The following EDDM13 variants were observed in gnomAD, a reference collection of about 807,000 sequenced individuals.
EDDM13 encodes the protein epididymal protein 13.
In EDDM13, 24 loss-of-function variants were observed where a neutral mutation model predicts 17.8. That is an observed-to-expected ratio of 1.35 (90% CI 0.98 to 1.90). The LOEUF is 1.90. Among genes scored for constraint, EDDM13 ranks in the 40% most tolerant of loss-of-function variants. The pLI, the probability that EDDM13 is intolerant of heterozygous loss-of-function variation, is 0.00. For missense variants in EDDM13, 97 were observed against 100.8 expected, an observed-to-expected ratio of 0.96 and a Z score of 0.16; for synonymous variants, 31 against 37.5, an observed-to-expected ratio of 0.83 and a Z score of 0.63.
intron 11 of EDDM13, among the ~76,000 whole-genome samples, chr19:56,296,744 A>T (rs1203187034): frequency 1.3e-5 from 2 of 151,956 alleles, no homozygotes; most frequent in African/African-American, 4.8e-5. Context: ...GGGAAACTTA[A>T]GTTTTTTGGC....
chr19:56,294,820 C>T (rs1379490896), intron 9 of EDDM13, among the ~76,000 whole-genome samples: 2 of 152,228 alleles, frequency 1.3e-5, no homozygotes, highest in African/African-American at 4.8e-5. Context: ...AGTGCTGACA[C>T]AGGACACAAC....
chr19:56,289,885 A>G (rs1298436986), intron 8 of EDDM13, among the ~76,000 whole-genome samples: 1 of 152,174 alleles, frequency 6.6e-6, no homozygotes, highest in African/African-American at 2.4e-5. Flanking sequence ...AAGTGCTGGG[A>G]TTACAGGCAG....
intron 5 of EDDM13, among the ~76,000 whole-genome samples, chr19:56,284,703 T>A (rs1568694381): frequency 6.6e-6 from 1 of 151,834 alleles, no homozygotes; most frequent in African/African-American, 2.4e-5. Flanking sequence ...TTAGTAGAAA[T>A]GGGTTTGGCC....
intron 12 of EDDM13, among the ~76,000 whole-genome samples, chr19:56,299,380 G>A (rs1034918401): frequency 6.6e-6 from 1 of 151,468 alleles, no homozygotes; most frequent in East Asian, 1.9e-4. Context: ...TGAGCCTCCC[G>A]CCTCAGATTC....
At chr19:56,297,017 C>T (rs1460667858) in intron 11 of EDDM13, among the ~76,000 whole-genome samples, 1 of 151,688 alleles carries the variant, frequency 6.6e-6, no homozygotes, top group Admixed American at 6.6e-5. Flanking sequence ...TGCAGTGAGC[C>T]GAGATCATGC....
At chr19:56,280,346 A>G (rs1462539433) in intron 2 of EDDM13, among the ~76,000 whole-genome samples, 1 of 152,184 alleles carries the variant, frequency 6.6e-6, no homozygotes, top group Non-Finnish European at 1.5e-5. Context: ...TTGACCAGTC[A>G]CATACTAATG....
intron 1 of EDDM13, among the ~76,000 whole-genome samples, chr19:56,273,689 G>A (rs535612093): frequency 1.5e-4 from 23 of 152,276 alleles, no homozygotes; most frequent in Non-Finnish European, 2.2e-4. Context: ...TGTCAGGAAC[G>A]TGGTAGGCAG....
intron 9 of EDDM13, chr19:56,295,258 C>T (rs1345531949): frequency 1.3e-5 from 2 of 152,010 alleles, no homozygotes; most frequent in East Asian, 3.9e-4. Flanking sequence ...TGTGCCACCC[C>T]TGGATGAGTA....
intron 13 of EDDM13, chr19:56,303,076 G>A (rs2040452079): frequency 7.6e-6 from 3 of 392,452 alleles, no homozygotes; most frequent in Middle Eastern, 6.4e-4. Context: ...CTCTGCTGTG[G>A]GTTAAGGACA....
intron 1 of EDDM13, among the ~76,000 whole-genome samples, chr19:56,273,268 C>T (rs779844155): frequency 5.3e-5 from 8 of 152,204 alleles, no homozygotes; most frequent in Non-Finnish European, 5.9e-5. Context: ...TTACGTTGTG[C>T]AGTGCCTGGA....
chr19:56,302,751 C>G (rs538635000), intron 13 of EDDM13: 1 of 389,232 alleles, frequency 2.6e-6, no homozygotes, highest in South Asian at 1.3e-4. Context: ...AAAACTTCTC[C>G]CTTCTGCACT....
intron 12 of EDDM13, 179 bp from the exon 13 acceptor site, chr19:56,301,789 A>T (rs988906041): frequency 3.7e-6 from 2 of 542,868 alleles, no homozygotes; most frequent in Non-Finnish European, 5.5e-6. Context: ...TGTCTGGAGT[A>T]TGGTGGTAAC....
chr19:56,283,122 G>T (rs1314518362), intron 4 of EDDM13: 1 of 152,158 alleles, frequency 6.6e-6, no homozygotes, highest in Non-Finnish European at 1.5e-5. Flanking sequence ...ACTTTGCAAG[G>T]TTAAGTGAAC....
chr19:56,302,038 G>GA lies in EDDM13; in HGVS notation c.369dup (p.Cys124MetfsTer25). 1 of 1,232,038 alleles carries GA rather than the reference G, an allele frequency of 8.1e-7. No individual in the cohort carries two copies. The highest frequency in any genetic ancestry group is 1.0e-6 in the Non-Finnish European group (1 of 988,234). 76.3% of individuals were successfully genotyped at this position (1,232,038 alleles called of 1,614,324 possible). On this transcript the variant is annotated frameshift_variant, in exon 13 of 15. Transcript: ENST00000649256. LOFTEE classifies it high-confidence loss of function. ...AGAGGAAGAACACGTGGAACTTCCT[G>GA]AAATGCGCCTACATGGTGATGACCT... is the stretch of plus-strand genomic sequence containing the variant.
chr19:56,281,785 T>C, intron 3 of EDDM13, 87 bp downstream of exon 3: 5 of 792,302 alleles, frequency 6.3e-6, no homozygotes, highest in African/African-American at 1.9e-5. Context: ...GAGGCAAAAC[T>C]GCTGACGATC....
chr19:56,291,985 G>A (rs1020668756), intron 9 of EDDM13, among the ~76,000 whole-genome samples: 5 of 152,152 alleles, frequency 3.3e-5, no homozygotes, highest in Admixed American at 6.6e-5. Context: ...CACAAGGCAA[G>A]TATTATTCAT....
chr19:56,293,010 C>T (rs1383960522), intron 9 of EDDM13, among the ~76,000 whole-genome samples: 3 of 152,172 alleles, frequency 2.0e-5, no homozygotes, highest in African/African-American at 7.2e-5. Context: ...TGAGGACACA[C>T]TCTTCTTTTG....
chr19:56,300,087 G>A (rs959289482), intron 12 of EDDM13: 2 of 152,176 alleles, frequency 1.3e-5, no homozygotes, highest in Non-Finnish European at 2.9e-5. Flanking sequence ...GGATATGCTG[G>A]TGTTGGTGAA....
chr19:56,300,171 T>G (rs2040135344), intron 12 of EDDM13, among the ~76,000 whole-genome samples: 1 of 152,158 alleles, frequency 6.6e-6, no homozygotes, highest in Non-Finnish European at 1.5e-5. Flanking sequence ...GAAAATAGTT[T>G]TATTAATGGG....
Sources: allele counts gnomAD v4.1 joint callset (sites outside exome capture counted in the v4.1 genomes callset), GRCh38; gene constraint gnomAD v4.1.1; transcripts MANE v1.5; gene names NCBI Gene and HGNC (gene_info 2026-07-23, HGNC 2026-07-21).